Variants in PSMD1 observed in about 807,000 individuals in gnomAD.
The protein encoded by PSMD1 is proteasome 26S subunit, non-ATPase 1.
A neutral mutation model predicts 119.0 loss-of-function variants in PSMD1; 18 were observed. That is an observed-to-expected ratio of 0.15 (90% CI 0.10 to 0.22). The LOEUF (loss-of-function observed/expected upper bound fraction) is 0.22. Ranked by LOEUF, PSMD1 falls within the 10% of genes least tolerant of loss-of-function variation. The pLI is 1.00. For missense variants in PSMD1, 702 were observed against 1,158.5 expected (o/e 0.61, Z 5.72); for synonymous variants, 374 against 396.6 (o/e 0.94, Z 0.68).
chr2:231,127,629 C>T (rs1392971504), intron 16 of PSMD1, among the ~76,000 whole-genome samples: 2 of 152,222 alleles, frequency 1.3e-5, no homozygotes, highest in African/African-American at 4.8e-5. Context: ...GCTGGGATTA[C>T]GGGCATGAGC....
At chr2:231,130,877 G>A (rs960408113) in intron 16 of PSMD1, among the ~76,000 whole-genome samples, 2 of 152,174 alleles carry the variant, frequency 1.3e-5, no homozygotes, top group African/African-American at 4.8e-5. Context: ...GAAACTGGAG[G>A]AATTATTTCG....
chr2:231,109,118 G>T, intron 16 of PSMD1: 1 of 1,614,100 alleles, frequency 6.2e-7, no homozygotes. Flanking sequence ...ATCCAGCATT[G>T]CCACCTTTTC....
At chr2:231,121,688 A>C (rs1695548432) in intron 16 of PSMD1, among the ~76,000 whole-genome samples, 1 of 152,294 alleles carries the variant, frequency 6.6e-6, no homozygotes, top group South Asian at 2.1e-4. Context: ...TTGCCTTTTA[A>C]GATTCCTTAA....
chr2:231,103,748 T>C (rs902432401), intron 16 of PSMD1, among the ~76,000 whole-genome samples: 2 of 152,194 alleles, frequency 1.3e-5, no homozygotes, highest in African/African-American at 2.4e-5. Context: ...CTAGACTCTT[T>C]ATCTGTTTTG....
At chr2:231,080,408 A>T in intron 12 of PSMD1, 94 bp downstream of exon 12, 1 of 1,093,934 alleles carries the variant, frequency 9.1e-7, no homozygotes, top group East Asian at 2.8e-5. Flanking sequence ...ATTTTGTAGA[A>T]TTTGCGAATA....
intron 21 of PSMD1, among the ~76,000 whole-genome samples, chr2:231,163,958 C>T (rs922485799): frequency 6.6e-6 from 1 of 152,208 alleles, no homozygotes; most frequent in Non-Finnish European, 1.5e-5. Flanking sequence ...CTGCACATGT[C>T]AGTACTTTTT....
intron 16 of PSMD1, among the ~76,000 whole-genome samples, chr2:231,134,177 A>C (rs1406326823): frequency 1.3e-5 from 2 of 152,350 alleles, no homozygotes; most frequent in African/African-American, 4.8e-5. Context: ...AGTAATACTA[A>C]AGAGCAACAA....
intron 16 of PSMD1, among the ~76,000 whole-genome samples, chr2:231,102,858 T>TTATTTGTTA (rs574401763): frequency 6.6e-6 from 1 of 152,202 alleles, no homozygotes; most frequent in Non-Finnish European, 1.5e-5. Context: ...CTGTTATAGC[T>TTATTTGTTA]TATTTGTTAT....
chr2:231,119,119 A>G (rs1176982476), intron 16 of PSMD1, among the ~76,000 whole-genome samples: 2 of 152,318 alleles, frequency 1.3e-5, no homozygotes, highest in African/African-American at 4.8e-5. Context: ...TAAGCATTTT[A>G]ATGCTTACAG....
intron 7 of PSMD1, among the ~76,000 whole-genome samples, chr2:231,072,963 C>T (rs1248570077): frequency 6.6e-6 from 1 of 152,052 alleles, no homozygotes; most frequent in Non-Finnish European, 1.5e-5. Context: ...CCCCCTAGCC[C>T]GCTCTTTCAC....
chr2:231,092,168 C>T (rs1054037849), intron 16 of PSMD1, among the ~76,000 whole-genome samples: 4 of 152,098 alleles, frequency 2.6e-5, no homozygotes, highest in African/African-American at 4.8e-5. Context: ...TGACCTGGGA[C>T]GGGGCATGTT....
intron 20 of PSMD1, chr2:231,163,100 C>CAA (rs202054935): frequency 5.4e-4 from 55 of 102,136 alleles, no homozygotes; most frequent in African/African-American, 8.6e-4. Context: ...AACTCCGTCT[C>CAA]AAAAAAAAAA....
intron 16 of PSMD1, among the ~76,000 whole-genome samples, chr2:231,105,443 A>C (rs1694952913): frequency 6.6e-6 from 1 of 152,166 alleles, no homozygotes; most frequent in Non-Finnish European, 1.5e-5. Flanking sequence ...GAATTATTTT[A>C]ACTTGACACT....
intron 23 of PSMD1, among the ~76,000 whole-genome samples, 190 bp downstream of exon 23, chr2:231,166,207 G>A (rs905151397): frequency 8.5e-5 from 13 of 152,152 alleles, no homozygotes; most frequent in African/African-American, 2.9e-4. Context: ...TCTTTTCCCT[G>A]TGTAACCCTA....
At chr2:231,083,439 A>T in intron 13 of PSMD1, 128 bp from the exon 14 acceptor site, 7 of 955,490 alleles carry the variant, frequency 7.3e-6, no homozygotes, top group Non-Finnish European at 1.1e-5. Context: ...CAGGTGGTTT[A>T]AAAAAATGCT....
At chr2:231,121,348 C>T (rs1242172609) in intron 16 of PSMD1, among the ~76,000 whole-genome samples, 5 of 151,966 alleles carry the variant, frequency 3.3e-5, no homozygotes, top group Middle Eastern at 3.4e-3. Flanking sequence ...GGCAACATTG[C>T]CAGACTCCAT....
chr2:231,141,248 T>C (rs1696101727), intron 17 of PSMD1, among the ~76,000 whole-genome samples: 1 of 147,174 alleles, frequency 6.8e-6, no homozygotes, highest in South Asian at 2.1e-4. Context: ...TTGCAGTGAG[T>C]GGAGATGGTC....
intron 16 of PSMD1, among the ~76,000 whole-genome samples, chr2:231,111,284 C>T (rs1695148514): frequency 6.6e-6 from 1 of 152,206 alleles, no homozygotes. Flanking sequence ...CTTCCTTGTC[C>T]TGCTACCCCT....
intron 16 of PSMD1, among the ~76,000 whole-genome samples, chr2:231,088,060 C>T (rs1156570094): frequency 6.6e-6 from 1 of 152,052 alleles, no homozygotes; most frequent in African/African-American, 2.4e-5. Context: ...AGTTGCTCAA[C>T]CTCTTTGCGC....
Sources: allele counts gnomAD v4.1 joint callset (sites outside exome capture counted in the v4.1 genomes callset), GRCh38; gene constraint gnomAD v4.1.1; transcripts MANE v1.5; gene names NCBI Gene and HGNC (gene_info 2026-07-23, HGNC 2026-07-21).